Variants in SYT16 observed in about 807,000 individuals in gnomAD.
The protein encoded by SYT16 is synaptotagmin 16.
SYT16 carries 42 observed loss-of-function variants against 61.4 expected under a neutral mutation model. The observed-to-expected ratio is 0.68, with a 90% CI of 0.53 to 0.89. The LOEUF (loss-of-function observed/expected upper bound fraction) is 0.89. SYT16 is among the 40% of genes least tolerant of loss of function. SYT16 has a pLI of 0.00. For missense variants in SYT16, 804 were observed against 807.3 expected (o/e 1.00, Z 0.05); for synonymous variants, 314 against 302.3 (o/e 1.04, Z -0.40).
At chr14:61,948,353 C>G (rs2050532322) in intron 1 of SYT16, among the ~76,000 whole-genome samples, 1 of 151,778 alleles carries the variant, frequency 6.6e-6, no homozygotes, top group South Asian at 2.1e-4. Context: ...CCATCAGAGA[C>G]CCAACTTATA....
chr14:62,058,805 G>C (rs968736169), intron 3 of SYT16, among the ~76,000 whole-genome samples: 2 of 152,148 alleles, frequency 1.3e-5, no homozygotes, highest in South Asian at 4.1e-4. Flanking sequence ...CGATAGCAAA[G>C]ACATGGAATC....
intron 3 of SYT16, among the ~76,000 whole-genome samples, chr14:62,047,398 T>C (rs892632770): frequency 6.6e-6 from 1 of 152,206 alleles, no homozygotes; most frequent in African/African-American, 2.4e-5. Flanking sequence ...GTTTTCTAGA[T>C]ATACAATCAT....
At position 62,103,121 on chromosome 14, in the gene SYT16, A is replaced by G. The variant is rs1358201024; in HGVS notation, c.*2414A>G. 2 of 151,972 alleles carry G rather than the reference A, an allele frequency of 1.3e-5. No homozygotes were observed. The highest frequency in any genetic ancestry group is 2.9e-5 in the Non-Finnish European group (2 of 67,986). 9.4% of individuals were successfully genotyped at this position (151,972 alleles called of 1,614,324 possible). ...CAAGATATATAACAATATGTGGCTGATTTTTTTTACCTTTATTTGAAATTC... is the reference window on the plus strand; with the variant it reads ...CAAGATATATAACAATATGTGGCTGGTTTTTTTTACCTTTATTTGAAATTC... On this transcript the variant is annotated 3_prime_UTR_variant, in exon 8 of 8. Coordinates refer to ENST00000683842, the MANE Select transcript of SYT16 (RefSeq NM_001367656.1).
chr14:62,008,399 C>T (rs1269641602), intron 3 of SYT16, among the ~76,000 whole-genome samples: 1 of 152,016 alleles, frequency 6.6e-6, no homozygotes, highest in African/African-American at 2.4e-5. Flanking sequence ...GTTTATGAAA[C>T]ATTTTTAAAA....
At chr14:62,023,835 C>T (rs2054001265) in intron 3 of SYT16, among the ~76,000 whole-genome samples, 2 of 152,106 alleles carry the variant, frequency 1.3e-5, no homozygotes, top group African/African-American at 4.8e-5. Context: ...ACCTTGCAAA[C>T]ATGTCCTGTT....
chr14:61,825,432 G>A (rs1268249150), intron 1 of SYT16, among the ~76,000 whole-genome samples: 10 of 152,194 alleles, frequency 6.6e-5, no homozygotes, highest in Non-Finnish European at 1.3e-4. Context: ...TGTAATCCCA[G>A]CACTTTGGGA....
At chr14:61,839,249 C>A (rs2046228793) in intron 1 of SYT16, among the ~76,000 whole-genome samples, 1 of 152,092 alleles carries the variant, frequency 6.6e-6, no homozygotes, top group African/African-American at 2.4e-5. Context: ...TGGATTAATG[C>A]CACTATAAAA....
chr14:61,904,676 T>G (rs568895460), intron 1 of SYT16, among the ~76,000 whole-genome samples: 1 of 152,246 alleles, frequency 6.6e-6, no homozygotes, highest in Admixed American at 6.5e-5. Flanking sequence ...GGTGCCTGAA[T>G]AGCTGGAAGA....
Position 62,081,162 on chromosome 14 carries a change from G to C in SYT16, c.1322G>C (p.Arg441Pro). The change falls in exon 6 of 8, where the codon CGG becomes CCG. Residue 441 changes from arginine (R) to proline (P), a missense_variant. Physicochemically the swap from Arg to Pro is moderately radical, Grantham distance 103. Coordinates refer to ENST00000683842, the MANE Select transcript of SYT16 (RefSeq NM_001367656.1). Reference sequence around the variant, plus strand: ...GTCCGCTTCCGCCTGTACGCTGCCCGGAAGATGACCCGAGAGAGAATGATG... The same window carrying C: ...GTCCGCTTCCGCCTGTACGCTGCCCCGAAGATGACCCGAGAGAGAATGATG... ...CAVRFRLYAA[R>P]KMTRERMMGE... 1.2e-6 allele frequency: 2 copies of C among 1,613,886 alleles called. No individual in the cohort carries two copies. Among genetic ancestry groups the C allele is most frequent in the Non-Finnish European group, 1.7e-6 (2 of 1,179,866 alleles).
chr14:62,098,193 A>T (rs555267886), intron 7 of SYT16, among the ~76,000 whole-genome samples: 1 of 152,230 alleles, frequency 6.6e-6, no homozygotes, highest in Non-Finnish European at 1.5e-5. Flanking sequence ...AATTACAGAG[A>T]TCTGCGTTTA....
Position 61,909,304 on chromosome 14 carries a change from A to G in SYT16, c.-324-60828A>G, listed in dbSNP as rs112048017. Among the ~76,000 whole-genome samples the G allele has an allele frequency of 2.6e-3, 394 of 152,346 alleles. 3 individuals carry two copies. Among genetic ancestry groups the G allele is most frequent in the African/African-American group, 9.1e-3 (380 of 41,582 alleles). ...TTATTTTCTGTGGCCATCATAACAA[A>G]TTACCACAAACTTGGTGGTTTAGAA... On this transcript the variant is annotated intron_variant, in intron 1 of 7. Transcript: ENST00000683842.
chr14:62,004,096 A>C (rs2053127386), intron 3 of SYT16, among the ~76,000 whole-genome samples: 1 of 152,228 alleles, frequency 6.6e-6, no homozygotes. Flanking sequence ...ACTGCTATAA[A>C]GACATACCGG....
chr14:62,009,240 GTTTACAGGCTCC>G (rs949929150), intron 3 of SYT16, among the ~76,000 whole-genome samples: 37 of 152,258 alleles, frequency 2.4e-4, no homozygotes, highest in African/African-American at 8.7e-4. Flanking sequence ...ATCTTAGGAG[GTTTACAGGCTCC>G]TTTGAAACTT....
chr14:61,979,338 A>T (rs941768948), intron 2 of SYT16, among the ~76,000 whole-genome samples: 17 of 152,170 alleles, frequency 1.1e-4, no homozygotes, highest in Admixed American at 1.1e-3. Flanking sequence ...AAATATAGGC[A>T]GAGAAAGACA....
chr14:61,908,937 C>T (rs933296053), intron 1 of SYT16, among the ~76,000 whole-genome samples: 3 of 152,134 alleles, frequency 2.0e-5, no homozygotes, highest in East Asian at 3.8e-4. Flanking sequence ...ATCCTCCCAC[C>T]CCAGCTTCCC....
Position 61,922,853 on chromosome 14 carries a change from G to A in SYT16, c.-324-47279G>A, listed in dbSNP as rs550404022. Among the ~76,000 whole-genome samples the A allele has an allele frequency of 2.0e-5, 3 of 152,238 alleles. No homozygotes were observed. In the East Asian group the frequency reaches 5.8e-4, roughly 29 times the overall value. On this transcript the variant is annotated intron_variant, in intron 1 of 7. Transcript: ENST00000683842. ...TCACAAGGTCAGGAGTTCGAGACAA[G>A]CCTGGCCAACATGGTGAAACCCTGT...
chr14:62,065,963 T>C (rs781251504), intron 3 of SYT16, among the ~76,000 whole-genome samples: 1 of 152,228 alleles, frequency 6.6e-6, no homozygotes, highest in Non-Finnish European at 1.5e-5. Flanking sequence ...CAAGCCCTAC[T>C]GTGGCGTTAG....
At chr14:61,887,383 G>C (rs1434835035) in intron 1 of SYT16, among the ~76,000 whole-genome samples, 1 of 152,182 alleles carries the variant, frequency 6.6e-6, no homozygotes, top group Non-Finnish European at 1.5e-5. Context: ...AATGGCCAGT[G>C]AGCACTGGCT....
At position 61,916,891 on chromosome 14, in the gene SYT16, T is replaced by C. The variant is rs147099770; in HGVS notation, c.-324-53241T>C. ...TTTCACTTAAGACAGTGACCTCCAG[T>C]TCCATCTAGTTGTTGACAATGACAG... On this transcript the variant is annotated intron_variant, in intron 1 of 7. Transcript: ENST00000683842. Among the ~76,000 whole-genome samples the C allele has an allele frequency of 6.0e-3, 919 of 152,294 alleles. 11 individuals carry two copies. Among genetic ancestry groups the C allele is most frequent in the African/African-American group, 0.021 (862 of 41,556 alleles).
Sources: gnomAD v4.1 joint callset for allele counts (sites outside exome capture counted in the v4.1 genomes callset) on GRCh38, gnomAD v4.1.1 for gene constraint, MANE v1.5 for transcripts, NCBI Gene and HGNC (gene_info 2026-07-23, HGNC 2026-07-21) for gene names.